The following BAIAP2L2 variants were observed in gnomAD, a reference collection of about 807,000 sequenced individuals.
The protein encoded by BAIAP2L2 is BAR/IMD domain containing adaptor protein 2 like 2.
A neutral mutation model predicts 60.4 loss-of-function variants in BAIAP2L2; 65 were observed. The observed-to-expected ratio is 1.08, with a 90% CI of 0.88 to 1.32. The LOEUF is 1.32. Among genes scored for constraint, BAIAP2L2 ranks in the 40% most tolerant of loss-of-function variants. BAIAP2L2 has a pLI of 0.00. For missense variants in BAIAP2L2, 836 were observed against 741.2 expected (o/e 1.13, Z -1.48); for synonymous variants, 344 against 301.7 (o/e 1.14, Z -1.45).
intron 7 of BAIAP2L2, among the ~76,000 whole-genome samples, chr22:38,089,900 C>G (rs180951839): frequency 6.6e-6 from 1 of 152,014 alleles, no homozygotes; most frequent in African/African-American, 2.4e-5. Flanking sequence ...CCCCCCGCTT[C>G]CCGCGTCAAT....
chr22:38,090,530 TC>T (rs1426636468), intron 7 of BAIAP2L2: 2 of 152,038 alleles, frequency 1.3e-5, no homozygotes, highest in African/African-American at 4.8e-5. Context: ...TTTTCAAACA[TC>T]CCTGTCCCTC....
At chr22:38,088,682 C>G in intron 10 of BAIAP2L2, 66 bp downstream of exon 10, 4 of 1,474,334 alleles carry the variant, frequency 2.7e-6, no homozygotes, top group Non-Finnish European at 3.6e-6. Context: ...CGGCAGGTCC[C>G]CGGGTTCCCG....
At chr22:38,088,719 C>CGGGGCGG in intron 10 of BAIAP2L2, 29 bp downstream of exon 10, 3 of 1,251,846 alleles carry the variant, frequency 2.4e-6, no homozygotes, top group Non-Finnish European at 2.3e-6. Context: ...TCTCAACCCA[C>CGGGGCGG]CCCCGGCCCC....
chr22:38,105,798 C>T (rs1484260460), intron 4 of BAIAP2L2, among the ~76,000 whole-genome samples: 1 of 152,180 alleles, frequency 6.6e-6, no homozygotes, highest in Non-Finnish European at 1.5e-5. Flanking sequence ...CCCTCTTTGG[C>T]ATGGCAGGGG....
At chr22:38,105,775 G>A (rs561553656) in intron 4 of BAIAP2L2, among the ~76,000 whole-genome samples, 54 of 152,276 alleles carry the variant, frequency 3.5e-4, no homozygotes, top group African/African-American at 1.2e-3. Flanking sequence ...ACTCACTGTG[G>A]GTTTTTCTGG....
At chr22:38,110,340 TG>T in intron 1 of BAIAP2L2, 134 bp downstream of exon 1, 1 of 897,996 alleles carries the variant, frequency 1.1e-6, no homozygotes, top group Non-Finnish European at 1.8e-6. Flanking sequence ...TACCCACCCC[TG>T]GCCCAGCCTG....
At chr22:38,109,256 G>C (rs767418083) in intron 1 of BAIAP2L2, 48 bp from the exon 2 acceptor site, 3 of 1,471,060 alleles carry the variant, frequency 2.0e-6, no homozygotes, top group Non-Finnish European at 2.8e-6. Flanking sequence ...ATGGGGGAGC[G>C]AGAAGGAACC....
intron 4 of BAIAP2L2, among the ~76,000 whole-genome samples, chr22:38,099,004 T>C (rs4339048): frequency 0.79 from 120,760 of 152,230 alleles, 48,679 homozygotes; most frequent in African/African-American, 0.93. Context: ...CTCAGCACCA[T>C]GGGCAGGGCA....
chr22:38,085,701 TG>T lies in BAIAP2L2; in HGVS notation c.1498del (p.Gln500ArgfsTer81). 1 of 1,612,616 alleles carries T rather than the reference TG, an allele frequency of 6.2e-7. No individual in the cohort carries two copies. The highest frequency in any genetic ancestry group is 8.5e-7 in the Non-Finnish European group (1 of 1,179,580). ...KLMSSEQYPP[Q>X]ELFPRGTNPF... ...GAGGACTCACCTCGGGAAGAGCTCC[TG>T]TGGTGGGTACTGCTCTGAGGACATC... On this transcript the variant is annotated frameshift_variant, in exon 13 of 14. Coordinates refer to ENST00000381669, the MANE Select transcript of BAIAP2L2 (RefSeq NM_025045.6). LOFTEE classifies it high-confidence loss of function.
chr22:38,085,535 G>T, intron 13 of BAIAP2L2, 151 bp downstream of exon 13: 1 of 1,251,798 alleles, frequency 8.0e-7, no homozygotes, highest in Non-Finnish European at 1.2e-6. Context: ...TCTTTTAAGA[G>T]ATAGGGTCTC....
intron 6 of BAIAP2L2, 32 bp from the exon 7 acceptor site, chr22:38,097,210 G>T (rs773664009): frequency 3.7e-6 from 6 of 1,604,890 alleles, no homozygotes; most frequent in Non-Finnish European, 5.1e-6. Context: ...GGCTGGGGGC[G>T]GTGGGTGTGT....
In BAIAP2L2 at chr22:38,089,110, C is replaced by A; in HGVS notation, c.887G>T (p.Arg296Leu). Residue 296 changes from arginine to leucine, a missense_variant, in exon 9 of 14, where the codon CGC becomes CTC. Arg to Leu is a moderately radical substitution (Grantham distance 102). Coordinates refer to ENST00000381669, the MANE Select transcript of BAIAP2L2 (RefSeq NM_025045.6). Reference protein sequence around the residue: ...QLEPDRRSLPRTPSASSLYSG... With the variant: ...QLEPDRRSLPLTPSASSLYSG... ...GGGGCACTCACAGGCCGACGGCGTG[C>A]GGGGCAGGGAGCGACGGTCTGGCTC... 1 of 1,375,764 alleles carries A rather than the reference C, an allele frequency of 7.3e-7. No individual in the cohort carries two copies. The highest frequency in any genetic ancestry group is 9.3e-7 in the Non-Finnish European group (1 of 1,071,012). 85.2% of individuals were successfully genotyped at this position (1,375,764 alleles called of 1,614,324 possible). A position where few individuals can be genotyped will look rare whatever the true frequency, so the allele number is the denominator to read the frequency against.
At position 38,085,225 on chromosome 22, in the gene BAIAP2L2, C is replaced by G. The variant is rs1180041733; in HGVS notation, c.*75G>C. 5.4e-6 allele frequency: 8 copies of G among 1,490,538 alleles called. No homozygotes were observed. Among genetic ancestry groups the G allele is most frequent in the African/African-American group, 1.4e-5 (1 of 72,160 alleles). 92.3% of individuals were successfully genotyped at this position (1,490,538 alleles called of 1,614,324 possible). A position where few individuals can be genotyped will look rare whatever the true frequency, so the allele number is the denominator to read the frequency against. On this transcript the variant is annotated 3_prime_UTR_variant, in exon 14 of 14. Coordinates refer to ENST00000381669, the MANE Select transcript of BAIAP2L2 (RefSeq NM_025045.6). The stretch of plus-strand genomic sequence containing the variant: ...CCGCTTCTTGGATCTGCTGCTGTTG[C>G]TGCTGTCGCTGCCATTGCCAGCTCT...
At chr22:38,091,972 C>G (rs1222646717) in intron 7 of BAIAP2L2, among the ~76,000 whole-genome samples, 1 of 152,024 alleles carries the variant, frequency 6.6e-6, no homozygotes, top group Non-Finnish European at 1.5e-5. Flanking sequence ...TAGCCAAGAT[C>G]AGAAAGTTTG....
chr22:38,088,701 G>A (rs1192021263), intron 10 of BAIAP2L2, 47 bp downstream of exon 10: 1 of 1,523,360 alleles, frequency 6.6e-7, no homozygotes, highest in Non-Finnish European at 8.8e-7. Flanking sequence ...CGGCCCCCAG[G>A]GCCTTCTTCT....
chr22:38,091,281 G>A (rs916455845), intron 7 of BAIAP2L2: 1 of 152,180 alleles, frequency 6.6e-6, no homozygotes, highest in African/African-American at 2.4e-5. Context: ...TGGTCTCAAA[G>A]TCCTCAACTC....
intron 13 of BAIAP2L2, 79 bp from the exon 14 acceptor site, chr22:38,085,454 A>G (rs1396362230): frequency 2.0e-5 from 30 of 1,479,612 alleles, no homozygotes; most frequent in Non-Finnish European, 2.7e-5. Context: ...CAGCTGGGCA[A>G]CTGAGCTGGG....
intron 2 of BAIAP2L2, among the ~76,000 whole-genome samples, chr22:38,108,708 G>A (rs929588693): frequency 1.3e-5 from 2 of 152,134 alleles, no homozygotes; most frequent in Non-Finnish European, 2.9e-5. Flanking sequence ...GGGTGTGTGG[G>A]TGGTGGCCAG....
chr22:38,096,676 A>G (rs145763872), intron 7 of BAIAP2L2, among the ~76,000 whole-genome samples: 1 of 152,166 alleles, frequency 6.6e-6, no homozygotes, highest in Non-Finnish European at 1.5e-5. Flanking sequence ...TAAATAAATA[A>G]TATGATAAAA....
Sources: gnomAD v4.1 joint callset for allele counts (sites outside exome capture counted in the v4.1 genomes callset) on GRCh38, gnomAD v4.1.1 for gene constraint, MANE v1.5 for transcripts, NCBI Gene and HGNC (gene_info 2026-07-23, HGNC 2026-07-21) for gene names.